The following CSMD2 variants were observed in gnomAD, a reference collection of about 807,000 sequenced individuals.
CSMD2 encodes the protein CUB and Sushi multiple domains 2, also known as CUB and sushi domain-containing protein 2.
Under a neutral mutation model 398.5 loss-of-function variants are expected in CSMD2, and 130 were observed. The ratio of observed to expected loss-of-function variants is 0.33; its 90% CI spans 0.28 to 0.38. The LOEUF (loss-of-function observed/expected upper bound fraction) is 0.38. CSMD2 is among the 10% of genes least tolerant of loss of function. The probability of loss-of-function intolerance (pLI) is 1.00; values close to 1 mark genes in which losing one functional copy is unlikely to be tolerated. For missense variants in CSMD2, 3,829 were observed against 4,764.9 expected, an observed-to-expected ratio of 0.80 and a Z score of 5.78; for synonymous variants, 1,828 against 1,908.5, an observed-to-expected ratio of 0.96 and a Z score of 1.10.
chr1:33,658,496 A>C (rs1644023363), intron 26 of CSMD2, among the ~76,000 whole-genome samples: 1 of 152,266 alleles, frequency 6.6e-6, no homozygotes, highest in South Asian at 2.1e-4. Context: ...ATTGTTACAT[A>C]AACAAAGCAT....
chr1:33,841,270 A>G (rs1034486351), intron 6 of CSMD2, among the ~76,000 whole-genome samples: 1 of 152,206 alleles, frequency 6.6e-6, no homozygotes. Context: ...TCTAAGGGAG[A>G]GCCAGAGGCA....
intron 4 of CSMD2, among the ~76,000 whole-genome samples, chr1:33,930,663 C>G (rs1279890078): frequency 6.6e-6 from 1 of 152,164 alleles, no homozygotes; most frequent in African/African-American, 2.4e-5. Flanking sequence ...AAATCAGAGG[C>G]CTGTTGCTGA....
chr1:33,717,706 G>A (rs796068897), intron 19 of CSMD2, among the ~76,000 whole-genome samples: 32 of 151,656 alleles, frequency 2.1e-4, no homozygotes, highest in African/African-American at 7.5e-4. Flanking sequence ...CACAAGCAAG[G>A]AGAAGAGGGC....
intron 47 of CSMD2, among the ~76,000 whole-genome samples, chr1:33,582,337 T>C (rs1234057626): frequency 6.6e-6 from 1 of 151,846 alleles, no homozygotes; most frequent in Non-Finnish European, 1.5e-5. Flanking sequence ...AAGGGCAAGG[T>C]AAATAGGAAG....
chr1:33,739,071 G>A (rs1343220271), intron 15 of CSMD2, 69 bp downstream of exon 15: 3 of 1,480,074 alleles, frequency 2.0e-6, no homozygotes, highest in Non-Finnish European at 2.8e-6. Context: ...CATGGCCTGG[G>A]CTGCTTGCTC....
intron 10 of CSMD2, among the ~76,000 whole-genome samples, chr1:33,799,391 A>G (rs1655329349): frequency 6.6e-6 from 1 of 152,222 alleles, no homozygotes; most frequent in Non-Finnish European, 1.5e-5. Flanking sequence ...CCAACCCACA[A>G]GGGTGGAAGA....
intron 24 of CSMD2, among the ~76,000 whole-genome samples, chr1:33,696,588 G>A (rs551373596): frequency 6.6e-6 from 1 of 152,162 alleles, no homozygotes. Context: ...CTAGAAAGGT[G>A]GGAGGGCATT....
At chr1:34,121,746 C>T (rs1662205933) in intron 1 of CSMD2, among the ~76,000 whole-genome samples, 1 of 152,004 alleles carries the variant, frequency 6.6e-6, no homozygotes, top group African/African-American at 2.4e-5. Flanking sequence ...TATGGTATGG[C>T]CGAGGTTGAG....
chr1:33,725,667 T>C, intron 16 of CSMD2, 131 bp from the exon 17 acceptor site: 1 of 722,868 alleles, frequency 1.4e-6, no homozygotes, highest in Non-Finnish European at 2.3e-6. Flanking sequence ...TTAATATAAT[T>C]TGCACACATT....
intron 9 of CSMD2, among the ~76,000 whole-genome samples, chr1:33,816,491 A>G (rs1657476932): frequency 6.6e-6 from 1 of 152,192 alleles, no homozygotes; most frequent in Non-Finnish European, 1.5e-5. Context: ...AACTTTAATC[A>G]GAGATGCTCC....
intron 68 of CSMD2, 135 bp from the exon 69 acceptor site, chr1:33,520,085 G>A: frequency 9.5e-7 from 1 of 1,048,514 alleles, no homozygotes; most frequent in Non-Finnish European, 1.4e-6. Flanking sequence ...CAGCACGGGA[G>A]GCAGGTGTGC....
chr1:33,569,246 G>C, intron 52 of CSMD2, 128 bp downstream of exon 52: 1 of 996,100 alleles, frequency 1.0e-6, no homozygotes, highest in Non-Finnish European at 1.4e-6. Flanking sequence ...AATAGTTGGT[G>C]TTTGGATTAA....
chr1:33,648,514 G>T (rs1557673418), intron 28 of CSMD2, among the ~76,000 whole-genome samples: 1 of 152,192 alleles, frequency 6.6e-6, no homozygotes, highest in Non-Finnish European at 1.5e-5. Flanking sequence ...GGCTACCAGG[G>T]AATGGAAGTG....
At chr1:33,784,940 C>A (rs1047989952) in intron 12 of CSMD2, among the ~76,000 whole-genome samples, 8 of 152,196 alleles carry the variant, frequency 5.3e-5, no homozygotes, top group African/African-American at 1.9e-4. Flanking sequence ...TGGGACCACA[C>A]TGGGATTTAC....
intron 3 of CSMD2, among the ~76,000 whole-genome samples, chr1:33,966,612 G>T (rs1645566179): frequency 6.6e-6 from 1 of 152,192 alleles, no homozygotes; most frequent in Non-Finnish European, 1.5e-5. Flanking sequence ...TGAAAAGTAA[G>T]CGAGGGAGTC....
intron 44 of CSMD2, 25 bp from the exon 45 acceptor site, chr1:33,587,193 C>A: frequency 6.5e-7 from 1 of 1,546,206 alleles, no homozygotes; most frequent in South Asian, 1.2e-5. Context: ...GCAGGCAAGT[C>A]AGGGTAAGAT....
intron 12 of CSMD2, among the ~76,000 whole-genome samples, chr1:33,780,930 G>C (rs928623060): frequency 6.6e-6 from 1 of 152,246 alleles, no homozygotes; most frequent in African/African-American, 2.4e-5. Flanking sequence ...TAACAGAAGA[G>C]AGGCTGAAAA....
At chr1:33,934,369 T>C (rs1013501785) in intron 4 of CSMD2, among the ~76,000 whole-genome samples, 2 of 152,154 alleles carry the variant, frequency 1.3e-5, no homozygotes, top group Non-Finnish European at 2.9e-5. Flanking sequence ...CCCATCTGAT[T>C]TGGCAAAATG....
chr1:34,156,697 T>C (rs540975666), intron 1 of CSMD2, among the ~76,000 whole-genome samples: 2 of 152,342 alleles, frequency 1.3e-5, no homozygotes, highest in African/African-American at 4.8e-5. Flanking sequence ...TTTTCTGTTC[T>C]AGATGGCACA....
Sources: gnomAD v4.1 joint callset for allele counts (sites outside exome capture counted in the v4.1 genomes callset) on GRCh38, gnomAD v4.1.1 for gene constraint, MANE v1.5 for transcripts, NCBI Gene and HGNC (gene_info 2026-07-23, HGNC 2026-07-21) for gene names.